PVT1: variants seen among roughly 807,000 people sequenced by gnomAD.
The protein encoded by PVT1 is Pvt1 oncogene, also known as CXCR4/PVT1 fusion.
At chr8:127,825,900 G>C (rs1398901507) in intron 2 of PVT1, among the ~76,000 whole-genome samples, 1 of 151,798 alleles carries the variant, frequency 6.6e-6, no homozygotes, top group African/African-American at 2.4e-5. Flanking sequence ...GCCCAAGCTG[G>C]AGTGCAGTCG....
At chr8:128,061,628 G>T (rs1415685218) in intron 4 of PVT1, among the ~76,000 whole-genome samples, 1 of 152,168 alleles carries the variant, frequency 6.6e-6, no homozygotes, top group African/African-American at 2.4e-5. Flanking sequence ...ACTAGAAGCT[G>T]CTCGTTCTTG....
chr8:127,936,004 T>G (rs1477446432), intron 3 of PVT1, among the ~76,000 whole-genome samples: 3 of 150,358 alleles, frequency 2.0e-5, no homozygotes, highest in Non-Finnish European at 4.4e-5. Context: ...GAGGTAAGAG[T>G]TGGACAAACA....
chr8:127,854,021 T>C (rs1815134150), intron 2 of PVT1, among the ~76,000 whole-genome samples: 1 of 152,164 alleles, frequency 6.6e-6, no homozygotes, highest in South Asian at 2.1e-4. Flanking sequence ...TGCCAACTTG[T>C]TTCAGCCTGG....
Position 128,054,788 on chromosome 8 carries a change from G to A in PVT1, n.913-15372G>A, listed in dbSNP as rs557616402. On this transcript the variant is annotated intron_variant and non_coding_transcript_variant, in intron 4 of 10. Transcript: ENST00000651587. ...ACACAGATCACAGAGTGAGAGAAAT[G>A]CCATGTGATGGTTAATTCCATCTGT... is the stretch of plus-strand genomic sequence containing the variant. Among the ~76,000 whole-genome samples the A allele has an allele frequency of 2.6e-5, 4 of 152,328 alleles. No individual in the cohort carries two copies. The South Asian group carries it at 8.3e-4, about 32-fold the overall frequency.
chr8:127,846,296 T>C (rs1004409879), intron 2 of PVT1, among the ~76,000 whole-genome samples: 18 of 152,300 alleles, frequency 1.2e-4, no homozygotes, highest in Middle Eastern at 3.4e-3. Flanking sequence ...CTGGTGGGTG[T>C]CCATGGTGTC....
Position 127,928,667 on chromosome 8 carries a change from G to C in PVT1, n.782+37669G>C, listed in dbSNP as rs73707140. Among the ~76,000 whole-genome samples, 539 of 152,338 alleles carry C rather than the reference G, an allele frequency of 3.5e-3. 4 individuals carry two copies. The highest frequency in any genetic ancestry group is 0.012 in the African/African-American group (502 of 41,584). ...GTGAGTAAGGGGGTGGCAACTGGTT[G>C]TTTCCAATCTCCCATCTCTCTCTGG... On this transcript the variant is annotated intron_variant and non_coding_transcript_variant, in intron 3 of 10. Transcript: ENST00000651587.
chr8:127,974,062 G>A (rs1354254574), intron 3 of PVT1, among the ~76,000 whole-genome samples: 5 of 152,132 alleles, frequency 3.3e-5, no homozygotes, highest in Non-Finnish European at 7.4e-5. Context: ...TTTTCGAAGG[G>A]TGGGCACTTA....
At chr8:128,045,992 G>T (rs1378132148) in intron 4 of PVT1, among the ~76,000 whole-genome samples, 1 of 152,222 alleles carries the variant, frequency 6.6e-6, no homozygotes, top group Admixed American at 6.5e-5. Context: ...ATGCAGTGGA[G>T]TTTGAGGACC....
chr8:127,908,751 G>A (rs1215124035), intron 3 of PVT1, among the ~76,000 whole-genome samples: 2 of 152,154 alleles, frequency 1.3e-5, no homozygotes, highest in African/African-American at 4.8e-5. Flanking sequence ...ACTTTGAGTC[G>A]GATGGAGGAA....
At chr8:128,007,323 TGTGTATATAAGA>T (rs1259804869) in intron 4 of PVT1, among the ~76,000 whole-genome samples, 1 of 152,216 alleles carries the variant, frequency 6.6e-6, no homozygotes, top group African/African-American at 2.4e-5. Context: ...ATAATTGTAC[TGTGTATATAAGA>T]TGTCAAAATT....
chr8:127,842,279 G>T (rs1366025735), intron 2 of PVT1, among the ~76,000 whole-genome samples: 1 of 143,356 alleles, frequency 7.0e-6, no homozygotes, highest in Admixed American at 6.9e-5. Context: ...TTTTAAGAAA[G>T]AATTTTGCTC....
intron 4 of PVT1, among the ~76,000 whole-genome samples, chr8:128,038,839 TG>T (rs1813494926): frequency 6.6e-6 from 1 of 152,158 alleles, no homozygotes; most frequent in African/African-American, 2.4e-5. Flanking sequence ...AGCACCCTGC[TG>T]AGAGCTGGGC....
chr8:127,875,367 C>CTG (rs146688395), intron 2 of PVT1, among the ~76,000 whole-genome samples: 6 of 107,674 alleles, frequency 5.6e-5, no homozygotes, highest in East Asian at 5.3e-4. Context: ...GTCTCTGTCT[C>CTG]TCTCTCTCTC....
At chr8:128,059,480 G>T (rs914794305) in intron 4 of PVT1, among the ~76,000 whole-genome samples, 6 of 152,160 alleles carry the variant, frequency 3.9e-5, no homozygotes, top group Middle Eastern at 3.2e-3. Context: ...GAGAGAAGAA[G>T]AATATTTTGT....
intron 2 of PVT1, among the ~76,000 whole-genome samples, chr8:127,812,593 A>G (rs1474318474): frequency 6.8e-6 from 1 of 147,560 alleles, no homozygotes; most frequent in Non-Finnish European, 1.5e-5. Context: ...AGAGGGAGGG[A>G]AGGAAGGAAG....
At chr8:128,014,510 A>C (rs1301709726) in intron 4 of PVT1, among the ~76,000 whole-genome samples, 1 of 152,250 alleles carries the variant, frequency 6.6e-6, no homozygotes, top group Non-Finnish European at 1.5e-5. Context: ...TGTCAAATAA[A>C]GTACTTATTT....
intron 2 of PVT1, among the ~76,000 whole-genome samples, chr8:127,860,568 G>A (rs1236052646): frequency 1.3e-5 from 2 of 151,880 alleles, no homozygotes; most frequent in Non-Finnish European, 2.9e-5. Context: ...TTCAAGACTA[G>A]CCTGGTCAAC....
chr8:128,099,745 T>C (rs1199742716), intron 6 of PVT1: 1 of 152,218 alleles, frequency 6.6e-6, no homozygotes, highest in East Asian at 1.9e-4. Flanking sequence ...TCTATGTACA[T>C]ATATATATTT....
intron 2 of PVT1, among the ~76,000 whole-genome samples, chr8:127,840,062 A>G (rs1006596544): frequency 6.6e-6 from 1 of 152,148 alleles, no homozygotes; most frequent in African/African-American, 2.4e-5. Context: ...ACTAGAGAAT[A>G]CCCAAGTCCC....
Sources: allele counts gnomAD v4.1 joint callset (sites outside exome capture counted in the v4.1 genomes callset), GRCh38; gene constraint gnomAD v4.1.1; transcripts MANE v1.5; gene names NCBI Gene and HGNC (gene_info 2026-07-23, HGNC 2026-07-21).